The following MMRN1 variants were observed in gnomAD, a reference collection of about 807,000 sequenced individuals.
MMRN1 encodes multimerin 1.
In MMRN1, 94 loss-of-function variants were observed where a neutral mutation model predicts 100.7. The ratio of observed to expected loss-of-function variants is 0.93; its 90% CI spans 0.79 to 1.11. The LOEUF (loss-of-function observed/expected upper bound fraction) is 1.11. Ranked by LOEUF, MMRN1 falls within the 50% of genes least tolerant of loss-of-function variation. The pLI, the probability that MMRN1 is intolerant of heterozygous loss-of-function variation, is 0.00. For missense variants in MMRN1, 1,606 were observed against 1,439.1 expected (o/e 1.12, Z -1.88); for synonymous variants, 575 against 505.0 (o/e 1.14, Z -1.86).
rs1344378730 is a variant in MMRN1 at position 89,936,246 on chromosome 4, A to G, written c.2566A>G (p.Lys856Glu). Residue 856 changes from lysine to glutamate, a missense_variant, in exon 6 of 8, where the codon AAA (lysine) becomes GAA (glutamate). Transcript: ENST00000264790. Reference protein sequence around the residue: ...EKLLLTTKISKNFETRLQDIE... With the variant: ...EKLLLTTKISENFETRLQDIE... ...ACTACTCTTAACTACCAAGATTTCC[A>G]AAAATTTTGAGACTCGGTTGCAAGA... 1 of 1,603,660 alleles carries G rather than the reference A, an allele frequency of 6.2e-7. No individual in the cohort carries two copies. The highest frequency in any genetic ancestry group is 8.5e-7 in the Non-Finnish European group (1 of 1,177,260).
At chr4:89,900,809 G>A (rs964352041) in intron 1 of MMRN1, among the ~76,000 whole-genome samples, 1 of 151,986 alleles carries the variant, frequency 6.6e-6, no homozygotes, top group African/African-American at 2.4e-5. Flanking sequence ...TCATGAATGT[G>A]GATGATACTG....
Position 89,935,730 on chromosome 4 carries a change from G to A in MMRN1, c.2050G>A (p.Ala684Thr), listed in dbSNP as rs984548009. Reference sequence around the variant, plus strand: ...GAAAAAGATAGAAAATCTGACTAGTGCTGTCAATAGTCTAAATTTTATTAT... The same window carrying A: ...GAAAAAGATAGAAAATCTGACTAGTACTGTCAATAGTCTAAATTTTATTAT... ...IRKKIENLTSAVNSLNFIIKE... is the reference protein window; with the variant it reads ...IRKKIENLTSTVNSLNFIIKE... The change falls in exon 6 of 8, where the codon GCT becomes ACT. Residue 684 changes from alanine to threonine, a missense_variant. Coordinates refer to ENST00000264790, the MANE Select transcript of MMRN1 (RefSeq NM_007351.3). 1.7e-5 allele frequency: 28 copies of A among 1,611,580 alleles called. No homozygotes were observed. The highest frequency in any genetic ancestry group is 2.4e-5 in the Non-Finnish European group (28 of 1,179,302).
chr4:89,934,075 C>T (rs1722527503), intron 5 of MMRN1, among the ~76,000 whole-genome samples: 1 of 151,706 alleles, frequency 6.6e-6, no homozygotes, highest in East Asian at 1.9e-4. Context: ...TTATGATTAA[C>T]CAATGTTTTC....
chr4:89,906,987 C>T (rs970585049), intron 1 of MMRN1, among the ~76,000 whole-genome samples: 17 of 151,538 alleles, frequency 1.1e-4, no homozygotes, highest in Non-Finnish European at 2.2e-4. Flanking sequence ...CATGTAGTGA[C>T]GGTGATACTT....
At chr4:89,950,152 C>T (rs962182445) in intron 6 of MMRN1, among the ~76,000 whole-genome samples, 2 of 152,158 alleles carry the variant, frequency 1.3e-5, no homozygotes, top group African/African-American at 4.8e-5. Flanking sequence ...CTTCAGTAAA[C>T]CAAACCTGTT....
chr4:89,881,513 A>G (rs1040581451), intron 1 of MMRN1, among the ~76,000 whole-genome samples: 2 of 152,096 alleles, frequency 1.3e-5, no homozygotes, highest in Non-Finnish European at 2.9e-5. Context: ...TGTGTGTATA[A>G]AAGAATTATA....
chr4:89,911,500 G>T (rs1366293873), intron 2 of MMRN1, among the ~76,000 whole-genome samples: 1 of 151,228 alleles, frequency 6.6e-6, no homozygotes, highest in African/African-American at 2.4e-5. Context: ...ATTAGATCAC[G>T]AATATCCAAT....
At chr4:89,891,175 G>T (rs189569421), upstream of MMRN1, among the ~76,000 whole-genome samples, 3 of 152,040 alleles carry the variant, frequency 2.0e-5, no homozygotes, top group East Asian at 5.8e-4. Flanking sequence ...TTTTCTTTAG[G>T]AGTAACTTAC....
At chr4:89,895,697 T>A in intron 1 of MMRN1, 103 bp downstream of exon 1, 1 of 1,434,626 alleles carries the variant, frequency 7.0e-7, no homozygotes. Context: ...AAATTCAAGA[T>A]GAAATTGGAT....
chr4:89,936,634 G>A lies in MMRN1; in HGVS notation c.2954G>A (p.Cys985Tyr), dbSNP rs3775481. 76 of 1,613,376 alleles carry A rather than the reference G, an allele frequency of 4.7e-5. 1 individual carries two copies. The East Asian group carries it at 1.7e-3, about 35-fold the overall frequency. Residue 985 changes from cysteine to tyrosine, a missense_variant, in exon 6 of 8, where the codon TGT becomes TAT. Physicochemically the swap from Cys to Tyr is radical, Grantham distance 194. Coordinates refer to ENST00000264790, the MANE Select transcript of MMRN1 (RefSeq NM_007351.3). ...GCTGCCCTATCTAATTTAACTTGTT[G>A]TATAGATCGATCGTTGCCTGGTAGT... is the stretch of plus-strand genomic sequence containing the variant. Reference protein sequence around the residue: ...TQAALSNLTCCIDRSLPGSLA... With the variant: ...TQAALSNLTCYIDRSLPGSLA...
intron 3 of MMRN1, among the ~76,000 whole-genome samples, chr4:89,918,209 T>G: frequency 6.6e-6 from 1 of 151,348 alleles, no homozygotes; most frequent in African/African-American, 2.4e-5. Context: ...TGTATATTTA[T>G]AGAATACATG....
intron 2 of MMRN1, 56 bp downstream of exon 2, chr4:89,909,451 C>T (rs760686006): frequency 2.0e-4 from 319 of 1,578,922 alleles, no homozygotes; most frequent in Admixed American, 3.3e-4. Context: ...AAATTATAGC[C>T]GGGAATATAT....
chr4:89,949,082 A>G (rs1392246446), intron 6 of MMRN1, among the ~76,000 whole-genome samples: 1 of 152,212 alleles, frequency 6.6e-6, no homozygotes, highest in African/African-American at 2.4e-5. Flanking sequence ...GTAATGGAAC[A>G]TAAAGAAGCA....
chr4:89,888,175 G>A (rs1162671813), intron 1 of MMRN1, among the ~76,000 whole-genome samples: 1 of 151,830 alleles, frequency 6.6e-6, no homozygotes, highest in African/African-American at 2.4e-5. Context: ...CCATTTTTCT[G>A]TAGTTTCTCT....
At chr4:89,917,009 A>T (rs1334259031) in intron 3 of MMRN1, among the ~76,000 whole-genome samples, 2 of 151,652 alleles carry the variant, frequency 1.3e-5, no homozygotes, top group Admixed American at 6.6e-5. Context: ...GGTAGCACGG[A>T]GGGAACTATA....
chr4:89,914,300 T>A (rs1207465925), intron 3 of MMRN1, among the ~76,000 whole-genome samples: 3 of 151,386 alleles, frequency 2.0e-5, no homozygotes, highest in Non-Finnish European at 3.0e-5. Flanking sequence ...CTTCTTTCTA[T>A]TTCTTTGGGG....
chr4:89,921,840 C>T (rs1288092145), intron 3 of MMRN1, among the ~76,000 whole-genome samples: 2 of 152,084 alleles, frequency 1.3e-5, no homozygotes, highest in African/African-American at 4.8e-5. Flanking sequence ...AAATATACTT[C>T]CTGTGGAGTA....
chr4:89,922,037 C>A (rs1263763922), intron 3 of MMRN1, among the ~76,000 whole-genome samples: 2 of 152,052 alleles, frequency 1.3e-5, no homozygotes, highest in Non-Finnish European at 2.9e-5. Flanking sequence ...TAGAAGTCTG[C>A]AAATTAAAGC....
rs146889368 is a variant in MMRN1 at position 89,927,895 on chromosome 4, A to G, written c.1056A>G (p.Val352=). 492 of 1,611,838 alleles carry G rather than the reference A, an allele frequency of 3.1e-4. 1 individual carries two copies. Among genetic ancestry groups the G allele is most frequent in the Admixed American group, 3.9e-4 (23 of 59,710 alleles). Residue 352 remains valine (V), a synonymous_variant, in exon 5 of 8, where the codon GTA becomes GTG. Transcript: ENST00000264790. ...ATATTTCTTTGACTGTGAATGATGT[A>G]AGGAACACTTACTCCTCCCTAGAAG... is the stretch of plus-strand genomic sequence containing the variant. ...IDNISLTVND[V]RNTYSSLEGK... is the part of the protein sequence containing the mutation.
Sources: gnomAD v4.1 joint callset for allele counts (sites outside exome capture counted in the v4.1 genomes callset) on GRCh38, gnomAD v4.1.1 for gene constraint, MANE v1.5 for transcripts, NCBI Gene and HGNC (gene_info 2026-07-23, HGNC 2026-07-21) for gene names.